The following PALLD variants were observed in gnomAD, a reference collection of about 807,000 sequenced individuals.
PALLD encodes palladin, cytoskeletal associated protein, also known as palladin.
A neutral mutation model predicts 123.5 loss-of-function variants in PALLD; 61 were observed. The ratio of observed to expected loss-of-function variants is 0.49; its 90% CI spans 0.40 to 0.61. The LOEUF (loss-of-function observed/expected upper bound fraction) is 0.61, where lower values mean the gene tolerates loss of function less well. Ranked by LOEUF, PALLD falls within the 20% of genes least tolerant of loss-of-function variation. The pLI, the probability that PALLD is intolerant of heterozygous loss-of-function variation, is 0.00. For synonymous variants in PALLD, 465 were observed against 496.4 expected (o/e 0.94, Z 0.84); for missense variants, 1,273 against 1,377.0 (o/e 0.92, Z 1.20).
rs147474708 is a variant in PALLD, at chr4:168,759,202, AATATATATATATATATATATATATAT to A, written c.1964+47297_1964+47322del. Among the ~76,000 whole-genome samples the A allele has an allele frequency of 0.021, 464 of 22,316 alleles. 98 individuals carry two copies. In the East Asian group the frequency reaches 0.35, roughly 17 times the overall value. 14.6% of individuals were successfully genotyped at this position (22,316 alleles called of 152,430 possible). ...CTCAAAAAAAAAAAAAAAAAAAAAA[AATATATATATATATATATATATATAT>A]ATATATATATATATATAGAAACAAT... On this transcript the variant is annotated intron_variant, in intron 10 of 21. Transcript: ENST00000505667.
chr4:168,695,516 T>C (rs59988706), intron 8 of PALLD, among the ~76,000 whole-genome samples: 7,405 of 152,296 alleles, frequency 0.049, 546 homozygotes, highest in East Asian at 0.3. Flanking sequence ...CTTGAACTAG[T>C]TCAGAATTTC....
intron 5 of PALLD, among the ~76,000 whole-genome samples, chr4:168,684,887 T>A (rs1459310447): frequency 6.6e-6 from 1 of 152,126 alleles, no homozygotes; most frequent in African/African-American, 2.4e-5. Context: ...TAAAAATAAG[T>A]GATAGTACAC....
At chr4:168,848,942 G>A (rs776849543) in intron 10 of PALLD, among the ~76,000 whole-genome samples, 13 of 152,162 alleles carry the variant, frequency 8.5e-5, no homozygotes, top group Non-Finnish European at 1.5e-4. Flanking sequence ...AATGCAACAC[G>A]AGAGTACTAA....
At position 168,894,060 on chromosome 4, in the gene PALLD, A is replaced by C. The variant is rs116212402; in HGVS notation, c.2101-519A>C. 6.4e-3 allele frequency: 1,068 copies of C among 167,384 alleles called. 10 individuals carry two copies. The highest frequency in any genetic ancestry group is 0.024 in the African/African-American group (997 of 41,634). 10.4% of individuals were successfully genotyped at this position (167,384 alleles called of 1,614,324 possible). On this transcript the variant is annotated intron_variant, in intron 11 of 21. Coordinates refer to ENST00000505667, the MANE Select transcript of PALLD (RefSeq NM_001166108.2). The stretch of plus-strand genomic sequence containing the variant: ...AGCTCATCCACATCTTCCTTTAGCT[A>C]AACATTTACTGAGCACATACTGTTA...
intron 2 of PALLD, among the ~76,000 whole-genome samples, chr4:168,608,509 A>G (rs1360435170): frequency 6.6e-6 from 1 of 152,250 alleles, no homozygotes; most frequent in Non-Finnish European, 1.5e-5. Context: ...GTAAGCGTTC[A>G]TTGAAGTTTC....
chr4:168,769,275 TGC>T (rs2150489840), intron 10 of PALLD, among the ~76,000 whole-genome samples: 1 of 152,330 alleles, frequency 6.6e-6, no homozygotes, highest in African/African-American at 2.4e-5. Flanking sequence ...TGCACATGCC[TGC>T]CCTGGAGCTA....
intron 10 of PALLD, among the ~76,000 whole-genome samples, chr4:168,841,626 T>G (rs1364049116): frequency 6.6e-6 from 1 of 152,178 alleles, no homozygotes; most frequent in Non-Finnish European, 1.5e-5. Flanking sequence ...ACCTGACCGC[T>G]CTCTGTCTGC....
chr4:168,767,218 G>A (rs558323463), intron 10 of PALLD, among the ~76,000 whole-genome samples: 2 of 152,234 alleles, frequency 1.3e-5, no homozygotes, highest in African/African-American at 4.8e-5. Flanking sequence ...GTTTGCCTTT[G>A]CGTTAGTTAT....
chr4:168,747,867 G>A (rs1730531027), intron 10 of PALLD, among the ~76,000 whole-genome samples: 1 of 152,098 alleles, frequency 6.6e-6, no homozygotes, highest in Non-Finnish European at 1.5e-5. Flanking sequence ...AATTATTTTT[G>A]CTATAAATAT....
chr4:168,508,249 A>G (rs944997149), intron 1 of PALLD, among the ~76,000 whole-genome samples: 1 of 152,234 alleles, frequency 6.6e-6, no homozygotes, highest in Non-Finnish European at 1.5e-5. Flanking sequence ...TAGGTACCCC[A>G]TAATTATGTA....
At chr4:168,807,481 C>T (rs566441049) in intron 10 of PALLD, among the ~76,000 whole-genome samples, 50 of 152,236 alleles carry the variant, frequency 3.3e-4, no homozygotes, top group African/African-American at 1.0e-3. Context: ...GCGATCTGGG[C>T]TCACTGCGAC....
intron 10 of PALLD, among the ~76,000 whole-genome samples, chr4:168,890,573 GAT>G (rs1287418668): frequency 6.6e-6 from 1 of 151,892 alleles, no homozygotes; most frequent in Admixed American, 6.6e-5. Flanking sequence ...CTTAATACGA[GAT>G]AGAGTCAGAT....
intron 10 of PALLD, among the ~76,000 whole-genome samples, chr4:168,777,863 T>C (rs1214233195): frequency 1.3e-5 from 2 of 152,154 alleles, no homozygotes; most frequent in Admixed American, 6.5e-5. Context: ...CACTCACTTC[T>C]TGGGTCTCAT....
intron 17 of PALLD, among the ~76,000 whole-genome samples, chr4:168,918,472 C>T (rs1760728038): frequency 1.3e-5 from 2 of 151,848 alleles, no homozygotes; most frequent in South Asian, 4.2e-4. Context: ...CTTATATGTG[C>T]AATATAAAAA....
At chr4:168,561,493 G>A (rs1767865937) in intron 2 of PALLD, among the ~76,000 whole-genome samples, 1 of 151,972 alleles carries the variant, frequency 6.6e-6, no homozygotes, top group East Asian at 1.9e-4. Context: ...TTGGCTGATC[G>A]TGAACTCCTG....
chr4:168,806,911 CACACACATTT>C (rs1427300481), intron 10 of PALLD, among the ~76,000 whole-genome samples: 2 of 151,984 alleles, frequency 1.3e-5, no homozygotes, highest in Admixed American at 6.6e-5. Flanking sequence ...CATGTATATG[CACACACATTT>C]ACACACATAC....
chr4:168,679,028 G>GGT lies in PALLD; in HGVS notation c.1088-2292_1088-2291dup, dbSNP rs911456273. Among the ~76,000 whole-genome samples the GGT allele has an allele frequency of 5.2e-4, 75 of 144,262 alleles. 1 individual carries two copies. The highest frequency in any genetic ancestry group is 7.9e-3 in the Middle Eastern group (2 of 254). 94.6% of individuals were successfully genotyped at this position (144,262 alleles called of 152,430 possible). On this transcript the variant is annotated intron_variant, in intron 3 of 21. Transcript: ENST00000505667. ...TATGTGTAGCATGGGTATAGTGTGT[G>GGT]GTGTGTGTGTGTGGTGTGGGTGTGT...
chr4:168,858,962 C>T (rs530487136), intron 10 of PALLD, among the ~76,000 whole-genome samples: 23 of 152,246 alleles, frequency 1.5e-4, no homozygotes, highest in Admixed American at 4.6e-4. Context: ...ATAGTCGGTG[C>T]GTCTTAAGAC....
At chr4:168,671,512 AGG>A (rs1292726065) in intron 3 of PALLD, among the ~76,000 whole-genome samples, 1 of 152,204 alleles carries the variant, frequency 6.6e-6, no homozygotes, top group African/African-American at 2.4e-5. Context: ...GATAAATTGA[AGG>A]GAGAGTAAGG....
Sources: gnomAD v4.1 joint callset for allele counts (sites outside exome capture counted in the v4.1 genomes callset) on GRCh38, gnomAD v4.1.1 for gene constraint, MANE v1.5 for transcripts, NCBI Gene and HGNC (gene_info 2026-07-23, HGNC 2026-07-21) for gene names.